The following BBS4 variants were observed in gnomAD, a reference collection of about 807,000 sequenced individuals.
BBS4 encodes the protein BBSome complex member BBS4.
BBS4 carries 58 observed loss-of-function variants against 71.4 expected under a neutral mutation model. The ratio of observed to expected loss-of-function variants is 0.81; its 90% CI spans 0.66 to 1.01. The LOEUF (loss-of-function observed/expected upper bound fraction) is 1.01, where lower values mean the gene tolerates loss of function less well. Among genes scored for constraint, BBS4 ranks in the 50% least tolerant of loss-of-function variants. BBS4 has a pLI of 0.00. For synonymous variants in BBS4, 228 were observed against 216.8 expected, an observed-to-expected ratio of 1.05 and a Z score of -0.46; for missense variants, 660 against 607.9, an observed-to-expected ratio of 1.09 and a Z score of -0.90.
At chr15:72,692,738 G>A (rs977169856) in intron 1 of BBS4, among the ~76,000 whole-genome samples, 8 of 151,920 alleles carry the variant, frequency 5.3e-5, no homozygotes, top group Non-Finnish European at 4.4e-5. Flanking sequence ...AGGACTAAGG[G>A]CACCTGCCAC....
At chr15:72,722,411 A>G (rs1205843287) in intron 6 of BBS4, among the ~76,000 whole-genome samples, 1 of 152,158 alleles carries the variant, frequency 6.6e-6, no homozygotes, top group Non-Finnish European at 1.5e-5. Flanking sequence ...TTAAGGGCGG[A>G]AATGTGTGGC....
intron 2 of BBS4, among the ~76,000 whole-genome samples, chr15:72,695,621 C>T (rs1449795322): frequency 6.6e-6 from 1 of 152,120 alleles, no homozygotes; most frequent in East Asian, 1.9e-4. Flanking sequence ...TTTATCTATT[C>T]TATATTATTT....
chr15:72,711,131 G>A (rs1471168131), intron 3 of BBS4, among the ~76,000 whole-genome samples: 2 of 146,842 alleles, frequency 1.4e-5, no homozygotes, highest in Non-Finnish European at 3.0e-5. Context: ...CCGCTGATCC[G>A]AAGGCAGATA....
intron 1 of BBS4, among the ~76,000 whole-genome samples, chr15:72,692,492 C>G (rs1326548540): frequency 6.6e-6 from 1 of 151,136 alleles, no homozygotes; most frequent in Non-Finnish European, 1.5e-5. Context: ...TTTGTATATT[C>G]TGTAGAGGCG....
chr15:72,702,521 T>G (rs1348764367), intron 2 of BBS4, among the ~76,000 whole-genome samples: 2 of 151,710 alleles, frequency 1.3e-5, no homozygotes, highest in East Asian at 4.0e-4. Context: ...AGCTATAAAG[T>G]AAAACCATAA....
chr15:72,737,023 C>T lies in BBS4; in HGVS notation c.1450+60C>T, dbSNP rs1346208170. The T allele has an allele frequency of 3.2e-6, 5 of 1,558,156 alleles. No homozygotes were observed. In the Admixed American group the frequency reaches 6.7e-5, roughly 21 times the overall value. On this transcript the variant is annotated intron_variant, in intron 15 of 15. Coordinates refer to ENST00000268057, the MANE Select transcript of BBS4 (RefSeq NM_033028.5). The stretch of plus-strand genomic sequence containing the variant: ...GGTACAAGCCACATGTGTCTGTCAG[C>T]AGAGATTATAGCTTTCAGTGAGGTT...
chr15:72,717,596 C>T (rs1171035891), intron 6 of BBS4, among the ~76,000 whole-genome samples: 2 of 152,058 alleles, frequency 1.3e-5, no homozygotes, highest in Non-Finnish European at 2.9e-5. Flanking sequence ...CCACAGACTT[C>T]CACTTATGTC....
chr15:72,714,890 T>C (rs2065440809), intron 4 of BBS4, among the ~76,000 whole-genome samples: 1 of 152,236 alleles, frequency 6.6e-6, no homozygotes, highest in South Asian at 2.1e-4. Flanking sequence ...GAGGTATTGA[T>C]TCCATTTGCC....
chr15:72,696,273 T>C (rs987223151), intron 2 of BBS4, among the ~76,000 whole-genome samples: 1 of 152,234 alleles, frequency 6.6e-6, no homozygotes, highest in African/African-American at 2.4e-5. Context: ...TTGTTTGAAG[T>C]CTACTTTGCC....
Position 72,736,901 on chromosome 15 carries a change from G to C in BBS4, c.1388G>C (p.Gly463Ala). 2 of 1,614,168 alleles carry C rather than the reference G, an allele frequency of 1.2e-6. No individual in the cohort carries two copies. Among genetic ancestry groups the C allele is most frequent in the African/African-American group, 2.7e-5 (2 of 75,028 alleles). ...CCTGCCAGTTTCCAGCAGCCTCTGG[G>C]CTCTAATCAAGCTCTAGGACAGGCA... ...SKPASFQQPL[G>A]SNQALGQAMS... The change falls in exon 15 of 16, where the codon GGC (glycine) becomes GCC (alanine). Residue 463 changes from glycine (G) to alanine (A), a missense_variant. Gly to Ala is a moderately conservative substitution (Grantham distance 60). Coordinates refer to ENST00000268057, the MANE Select transcript of BBS4 (RefSeq NM_033028.5).
Position 72,735,940 on chromosome 15 carries a change from A to G in BBS4, c.1222A>G (p.Asn408Asp). The change falls in exon 14 of 16, where the codon AAT becomes GAT. Residue 408 changes from asparagine to aspartate, a missense_variant. Coordinates refer to ENST00000268057, the MANE Select transcript of BBS4 (RefSeq NM_033028.5). ...MEKKVSLLKD[N>D]SSLEFDSEMV... ...GAAGAAAGTCAGCCTACTCAAGGAC[A>G]ATAGCTCTCTGGAATTTGACTCTGA... is the stretch of plus-strand genomic sequence containing the variant. The G allele has an allele frequency of 6.2e-7, 1 of 1,614,130 alleles. No individual in the cohort carries two copies. The highest frequency in any genetic ancestry group is 1.3e-5 in the African/African-American group (1 of 75,046).
intron 2 of BBS4, among the ~76,000 whole-genome samples, chr15:72,697,346 A>G (rs939321714): frequency 6.6e-6 from 1 of 152,250 alleles, no homozygotes; most frequent in Non-Finnish European, 1.5e-5. Context: ...TTTTACTGTG[A>G]AATCCTTAGA....
chr15:72,709,521 GTATCT>G (rs1424507456), intron 2 of BBS4, among the ~76,000 whole-genome samples, 174 bp from the exon 3 acceptor site: 3 of 152,082 alleles, frequency 2.0e-5, no homozygotes, highest in Non-Finnish European at 4.4e-5. Flanking sequence ...AGTAGAACAA[GTATCT>G]TAGTTTAATA....
At chr15:72,736,077 C>A (rs1595953766) in intron 14 of BBS4, 111 bp downstream of exon 14, 1 of 1,251,350 alleles carries the variant, frequency 8.0e-7, no homozygotes, top group Non-Finnish European at 1.1e-6. Context: ...GCTGTTCTGG[C>A]TTTGATGTTC....
rs1252977222 is a variant in BBS4 at position 72,721,247 on chromosome 15, CTT to C, written c.406-1541_406-1540del. On this transcript the variant is annotated intron_variant, in intron 6 of 15. Coordinates refer to ENST00000268057, the MANE Select transcript of BBS4 (RefSeq NM_033028.5). ...AATATCTAATATCAAGCAGTCACTA[CTT>C]TTTTTCGAGTGTGACGATGTGGGTA... is the stretch of plus-strand genomic sequence containing the variant. 2.0e-5 allele frequency among the ~76,000 whole-genome samples: 3 copies of C among 152,130 alleles called. No individual in the cohort carries two copies. In the East Asian group the frequency reaches 5.8e-4, roughly 29 times the overall value.
chr15:72,723,388 T>G (rs772456033), intron 7 of BBS4, among the ~76,000 whole-genome samples: 1 of 152,214 alleles, frequency 6.6e-6, no homozygotes, highest in Non-Finnish European at 1.5e-5. Flanking sequence ...TGAGCTTACC[T>G]CAAATTTGGT....
At chr15:72,708,327 G>A (rs1247082511) in intron 2 of BBS4, among the ~76,000 whole-genome samples, 3 of 152,218 alleles carry the variant, frequency 2.0e-5, no homozygotes, top group East Asian at 3.9e-4. Flanking sequence ...GGCCCCAAAC[G>A]GAGGGACCGG....
chr15:72,715,732 C>T (rs186379172), intron 5 of BBS4, among the ~76,000 whole-genome samples: 7 of 152,312 alleles, frequency 4.6e-5, no homozygotes, highest in African/African-American at 9.6e-5. Flanking sequence ...CTCATCTACT[C>T]TTCTAACACT....
rs2065229029 is a variant in BBS4 at position 72,704,501 on chromosome 15, T to C, written c.77-5199T>C. ...TTACAGGTAAAATTCTAATTGTAAATTCAGGATTCATAGATTCTAGGGATT... is the reference window on the plus strand; with the variant it reads ...TTACAGGTAAAATTCTAATTGTAAACTCAGGATTCATAGATTCTAGGGATT... On this transcript the variant is annotated intron_variant, in intron 2 of 15. Coordinates refer to ENST00000268057, the MANE Select transcript of BBS4 (RefSeq NM_033028.5). 2.4e-6 allele frequency: 3 copies of C among 1,229,770 alleles called. No homozygotes were observed. In the South Asian group the frequency reaches 3.8e-5, roughly 15 times the overall value. 76.2% of individuals were successfully genotyped at this position (1,229,770 alleles called of 1,614,324 possible).
Sources: gnomAD v4.1 joint callset for allele counts (sites outside exome capture counted in the v4.1 genomes callset) on GRCh38, gnomAD v4.1.1 for gene constraint, MANE v1.5 for transcripts, NCBI Gene and HGNC (gene_info 2026-07-23, HGNC 2026-07-21) for gene names.